Variants in ZHX2 observed in about 807,000 individuals in gnomAD.
ZHX2 encodes the protein zinc fingers and homeoboxes 2, also known as zinc fingers and homeoboxes protein 2.
In ZHX2, 6 loss-of-function variants were observed where a neutral mutation model predicts 21.9. The observed-to-expected ratio is 0.27, with a 90% CI of 0.15 to 0.54. The LOEUF (loss-of-function observed/expected upper bound fraction) is 0.54, where lower values mean the gene tolerates loss of function less well. Among genes scored for constraint, ZHX2 ranks in the 20% least tolerant of loss-of-function variants. ZHX2 has a pLI of 0.95. For missense variants in ZHX2, 908 were observed against 1,090.7 expected (o/e 0.83, Z 2.36); for synonymous variants, 434 against 437.1 (o/e 0.99, Z 0.09).
chr8:122,868,617 C>T (rs1171173218), intron 2 of ZHX2, among the ~76,000 whole-genome samples: 4 of 149,308 alleles, frequency 2.7e-5, no homozygotes, highest in Non-Finnish European at 4.4e-5. Flanking sequence ...AGGAGAATGG[C>T]GAGAACCCGG....
chr8:122,871,416 A>G (rs1002061084), intron 2 of ZHX2, among the ~76,000 whole-genome samples: 1 of 151,546 alleles, frequency 6.6e-6, no homozygotes, highest in Non-Finnish European at 1.5e-5. Context: ...TTCTCAGCAA[A>G]CTATCGCAAG....
rs1044453087 is a variant in ZHX2 at position 122,815,108 on chromosome 8, G to T, written c.-283+33162G>T. 2.6e-5 allele frequency among the ~76,000 whole-genome samples: 4 copies of T among 152,160 alleles called. No individual in the cohort carries two copies. In the South Asian group the frequency reaches 6.2e-4, roughly 24 times the overall value. On this transcript the variant is annotated intron_variant, in intron 1 of 3. Coordinates refer to ENST00000314393, the MANE Select transcript of ZHX2 (RefSeq NM_014943.5). ...GGAGGAAATGAGGTATATGAAAGGG[G>T]TTCATAATCATTTGTTGCTGTTTCA... is the stretch of plus-strand genomic sequence containing the variant.
rs561132386 is a variant in ZHX2, at chr8:122,957,461, GTT to G, written c.*4+3436_*4+3437del. 2.7e-4 allele frequency among the ~76,000 whole-genome samples: 21 copies of G among 77,190 alleles called. No individual in the cohort carries two copies. In the East Asian group the frequency reaches 0.017, roughly 62 times the overall value. 50.6% of individuals were successfully genotyped at this position (77,190 alleles called of 152,430 possible). A position where few individuals can be genotyped will look rare whatever the true frequency, so the allele number is the denominator to read the frequency against. ...CTCCCTGATATTTTGGAGGTCCATTGTTTTGTTTTGTTTTGTTTTGTTTTGAG... is the reference window on the plus strand; with the variant it reads ...CTCCCTGATATTTTGGAGGTCCATTGTTGTTTTGTTTTGTTTTGTTTTGAG... On this transcript the variant is annotated intron_variant, in intron 3 of 3. Coordinates refer to ENST00000314393, the MANE Select transcript of ZHX2 (RefSeq NM_014943.5).
intron 3 of ZHX2, among the ~76,000 whole-genome samples, chr8:122,955,071 G>GA (rs1554589354): frequency 4.1e-5 from 5 of 121,820 alleles, no homozygotes; most frequent in South Asian, 2.5e-4. Flanking sequence ...ACATAAGCCG[G>GA]GGGGGGGGGG....
intron 1 of ZHX2, among the ~76,000 whole-genome samples, chr8:122,813,173 G>A (rs1327232942): frequency 6.7e-6 from 1 of 149,278 alleles, no homozygotes; most frequent in African/African-American, 2.5e-5. Flanking sequence ...TCCAGCCTGG[G>A]CAACAAGAGT....
intron 1 of ZHX2, among the ~76,000 whole-genome samples, chr8:122,848,902 G>T (rs967414039): frequency 6.6e-6 from 1 of 152,236 alleles, no homozygotes; most frequent in African/African-American, 2.4e-5. Flanking sequence ...TCGGAATCCA[G>T]ACTCTACGCA....
At chr8:122,789,634 T>A (rs1399038212) in intron 1 of ZHX2, among the ~76,000 whole-genome samples, 1 of 152,102 alleles carries the variant, frequency 6.6e-6, no homozygotes, top group East Asian at 1.9e-4. Context: ...TTTGCTTTTG[T>A]GTAGGGGAGG....
intron 2 of ZHX2, among the ~76,000 whole-genome samples, chr8:122,875,119 G>A (rs1819530983): frequency 2.5e-5 from 2 of 78,502 alleles, no homozygotes; most frequent in Admixed American, 1.8e-4. Context: ...TTAGAGGAAG[G>A]AAAACTCTGT....
At chr8:122,786,092 T>G (rs559204954) in intron 1 of ZHX2, among the ~76,000 whole-genome samples, 2 of 152,312 alleles carry the variant, frequency 1.3e-5, no homozygotes, top group African/African-American at 4.8e-5. Flanking sequence ...GTCCTGTCAA[T>G]AAGAATCCAA....
chr8:122,963,226 G>C (rs186692302), intron 3 of ZHX2, among the ~76,000 whole-genome samples: 83 of 152,242 alleles, frequency 5.5e-4, no homozygotes, highest in Admixed American at 9.2e-4. Flanking sequence ...TTTTTCTGAT[G>C]TTATCTTGGA....
intron 1 of ZHX2, among the ~76,000 whole-genome samples, chr8:122,797,385 G>A (rs1420964483): frequency 6.6e-6 from 1 of 152,162 alleles, no homozygotes; most frequent in Non-Finnish European, 1.5e-5. Context: ...ACACAACCTC[G>A]CAAAGCCGCA....
At chr8:122,834,585 C>T (rs1188962607) in intron 1 of ZHX2, among the ~76,000 whole-genome samples, 2 of 152,210 alleles carry the variant, frequency 1.3e-5, no homozygotes, top group Non-Finnish European at 2.9e-5. Flanking sequence ...CTTTCCTCAT[C>T]ACGATTGTTA....
intron 2 of ZHX2, among the ~76,000 whole-genome samples, chr8:122,880,433 C>T (rs1249257645): frequency 6.6e-6 from 1 of 152,062 alleles, no homozygotes; most frequent in Non-Finnish European, 1.5e-5. Context: ...CCAGCAAGAA[C>T]ACTGGAAATA....
At chr8:122,900,206 C>T (rs930727184) in intron 2 of ZHX2, among the ~76,000 whole-genome samples, 2 of 152,098 alleles carry the variant, frequency 1.3e-5, no homozygotes, top group Non-Finnish European at 2.9e-5. Context: ...TTTATTTGCT[C>T]ACAGTTCTGC....
rs906996432 is a variant in ZHX2, at chr8:122,972,975, C to A, written c.*5-267C>A. Among the ~76,000 whole-genome samples, 15 of 152,222 alleles carry A rather than the reference C, an allele frequency of 9.9e-5. 1 individual carries two copies. The highest frequency in any genetic ancestry group is 1.6e-4 in the Non-Finnish European group (11 of 68,036). On this transcript the variant is annotated intron_variant, in intron 3 of 3. Transcript: ENST00000314393. ...AAAGAATCACAGGCCACCACCTTCA[C>A]TTGCCCAGAAAGTCACTCTGTTTTC...
At chr8:122,876,320 C>A (rs1049747665) in intron 2 of ZHX2, among the ~76,000 whole-genome samples, 1 of 152,136 alleles carries the variant, frequency 6.6e-6, no homozygotes, top group Non-Finnish European at 1.5e-5. Flanking sequence ...TAATATGCTG[C>A]AATTCGGGCA....
intron 2 of ZHX2, among the ~76,000 whole-genome samples, chr8:122,935,994 G>A (rs184725796): frequency 6.6e-6 from 1 of 152,284 alleles, no homozygotes; most frequent in Non-Finnish European, 1.5e-5. Flanking sequence ...GAGTATCTAA[G>A]GCAGTGTCTG....
chr8:122,963,719 G>C (rs1813513382), intron 3 of ZHX2, among the ~76,000 whole-genome samples: 1 of 152,050 alleles, frequency 6.6e-6, no homozygotes, highest in East Asian at 1.9e-4. Context: ...TTGGTAGTAT[G>C]GTCATTTTCA....
At chr8:122,955,951 TCTC>T (rs1317533825) in intron 3 of ZHX2, among the ~76,000 whole-genome samples, 1 of 151,014 alleles carries the variant, frequency 6.6e-6, no homozygotes, top group Non-Finnish European at 1.5e-5. Context: ...TTCAAGCAGT[TCTC>T]CTGCATCAGC....
Sources: gnomAD v4.1 joint callset for allele counts (sites outside exome capture counted in the v4.1 genomes callset) on GRCh38, gnomAD v4.1.1 for gene constraint, MANE v1.5 for transcripts, NCBI Gene and HGNC (gene_info 2026-07-23, HGNC 2026-07-21) for gene names.